COG5: variants seen among roughly 807,000 people sequenced by gnomAD.
COG5 encodes the protein conserved oligomeric Golgi complex subunit 5.
COG5 carries 86 observed loss-of-function variants against 110.4 expected under a neutral mutation model. The ratio of observed to expected loss-of-function variants is 0.78; its 90% CI spans 0.65 to 0.93. COG5 has a LOEUF of 0.93. COG5 is among the 40% of genes least tolerant of loss of function. COG5 has a pLI of 0.00. For synonymous variants in COG5, 360 were observed against 334.6 expected (o/e 1.08, Z -0.83); for missense variants, 1,077 against 987.0 (o/e 1.09, Z -1.22).
intron 19 of COG5, among the ~76,000 whole-genome samples, chr7:107,218,123 A>C (rs191727286): frequency 6.6e-6 from 1 of 152,244 alleles, no homozygotes; most frequent in African/African-American, 2.4e-5. Flanking sequence ...TTAGGAATAA[A>C]TGTACTTAGG....
rs1803047098 is a variant in COG5, at chr7:107,258,383, G to C, written c.1576C>G (p.Leu526Val). The change falls in exon 15 of 22, where the codon CTC becomes GTC. Residue 526 changes from leucine (L) to valine (V), a missense_variant and splice_region_variant. By Grantham distance (32) the Leu-to-Val change is conservative. Transcript: ENST00000297135. ...QLYSVKSEQL[L>V]STQGDASQVI... ...TGACTTGCATCTCCTTGTGTGGAGA[G>C]CTGTAAGAATTCAATTTCAAAAGAA... The C allele has an allele frequency of 6.4e-7, 1 of 1,567,546 alleles. No homozygotes were observed. Among genetic ancestry groups the C allele is most frequent in the Non-Finnish European group, 8.8e-7 (1 of 1,137,938 alleles).
At chr7:107,408,183 A>C (rs574271059) in intron 7 of COG5, among the ~76,000 whole-genome samples, 1 of 152,370 alleles carries the variant, frequency 6.6e-6, no homozygotes, top group Non-Finnish European at 1.5e-5. Context: ...TTAATGGAAC[A>C]CAACCACATT....
At chr7:107,284,532 G>T (rs1474526849) in intron 12 of COG5, among the ~76,000 whole-genome samples, 4 of 152,058 alleles carry the variant, frequency 2.6e-5, no homozygotes, top group Admixed American at 2.6e-4. Flanking sequence ...CCATTTTTGT[G>T]TTACTAACAA....
intron 10 of COG5, among the ~76,000 whole-genome samples, chr7:107,351,888 TG>T (rs1047696965): frequency 6.7e-6 from 1 of 149,594 alleles, no homozygotes; most frequent in African/African-American, 2.4e-5. Flanking sequence ...TCAACCATTG[TG>T]GAAGTCAGTG....
chr7:107,215,611 C>T (rs557383207), intron 19 of COG5, among the ~76,000 whole-genome samples: 1 of 151,824 alleles, frequency 6.6e-6, no homozygotes, highest in Admixed American at 6.6e-5. Context: ...TTGCAGTGAG[C>T]CAAGATTGTA....
intron 16 of COG5, among the ~76,000 whole-genome samples, chr7:107,251,248 GA>G (rs1802481203): frequency 4.0e-5 from 6 of 151,650 alleles, no homozygotes. Flanking sequence ...AGTGCTAAGA[GA>G]AAAACATCTT....
At chr7:107,389,555 A>G (rs1335679450) in intron 7 of COG5, among the ~76,000 whole-genome samples, 1 of 152,216 alleles carries the variant, frequency 6.6e-6, no homozygotes, top group Non-Finnish European at 1.5e-5. Flanking sequence ...GCTAAAGGAC[A>G]AAGCTGGGAA....
chr7:107,210,588 G>A lies in COG5; in HGVS notation c.2313C>T (p.His771=). ...KSPFQRAEWS[H]TRFSQWLDDH... ...CATCCAGCCACTGAGAGAAGCGTGT[G>A]TGGGACCACTCTGCCCTCTGCAGGG... is the stretch of plus-strand genomic sequence containing the variant. Residue 771 remains histidine, a synonymous_variant, in exon 21 of 22, where the codon CAC becomes CAT. Coordinates refer to ENST00000297135, the MANE Select transcript of COG5 (RefSeq NM_006348.5). 1.2e-6 allele frequency: 2 copies of A among 1,603,694 alleles called. No homozygotes were observed. The highest frequency in any genetic ancestry group is 1.7e-6 in the Non-Finnish European group (2 of 1,175,036).
chr7:107,422,690 TAAAAAAA>T (rs972014653), intron 6 of COG5, among the ~76,000 whole-genome samples: 2 of 142,232 alleles, frequency 1.4e-5, no homozygotes, highest in Non-Finnish European at 3.1e-5. Flanking sequence ...TAATGAAACT[TAAAAAAA>T]AAAAAAAGCA....
intron 6 of COG5, among the ~76,000 whole-genome samples, chr7:107,483,573 G>A (rs951040476): frequency 6.6e-6 from 1 of 151,990 alleles, no homozygotes; most frequent in East Asian, 1.9e-4. Context: ...GTGTGGTGGT[G>A]CATGCCTGTA....
chr7:107,417,735 C>G (rs1368622970), intron 6 of COG5, among the ~76,000 whole-genome samples: 1 of 152,088 alleles, frequency 6.6e-6, no homozygotes, highest in Non-Finnish European at 1.5e-5. Flanking sequence ...ATTATATATG[C>G]TTCTATAAGA....
chr7:107,509,761 A>G (rs1230629987), intron 6 of COG5, among the ~76,000 whole-genome samples: 4 of 152,230 alleles, frequency 2.6e-5, no homozygotes, highest in Non-Finnish European at 4.4e-5. Context: ...CTTAAAGAAA[A>G]GAATTTTCAA....
intron 6 of COG5, among the ~76,000 whole-genome samples, chr7:107,500,542 T>A (rs2250414): frequency 2.6e-5 from 4 of 151,918 alleles, no homozygotes; most frequent in African/African-American, 7.3e-5. Context: ...TAGTATAAAC[T>A]GATTGGATTT....
At chr7:107,521,502 A>T (rs1457241283) in intron 6 of COG5, among the ~76,000 whole-genome samples, 5 of 152,256 alleles carry the variant, frequency 3.3e-5, no homozygotes, top group African/African-American at 9.6e-5. Context: ...ACTCTTCTCA[A>T]AAGACGACAT....
intron 14 of COG5, among the ~76,000 whole-genome samples, chr7:107,275,596 C>T (rs568968336): frequency 1.3e-5 from 2 of 152,008 alleles, no homozygotes; most frequent in East Asian, 1.9e-4. Flanking sequence ...TGGTCTGTCG[C>T]CCAGGCTTGA....
At chr7:107,527,108 T>C (rs531959322) in intron 6 of COG5, 129 bp downstream of exon 6, 68 of 728,228 alleles carry the variant, frequency 9.3e-5, no homozygotes, top group African/African-American at 8.6e-4. Flanking sequence ...CAATATTGTA[T>C]ACAGCCAATT....
chr7:107,222,229 T>C (rs1207068258), intron 19 of COG5, among the ~76,000 whole-genome samples: 1 of 151,664 alleles, frequency 6.6e-6, no homozygotes, highest in African/African-American at 2.4e-5. Flanking sequence ...AGATGGAGTC[T>C]CGCTCTGTCG....
intron 6 of COG5, among the ~76,000 whole-genome samples, chr7:107,485,010 A>AC (rs937224226): frequency 2.0e-5 from 3 of 152,110 alleles, no homozygotes; most frequent in Non-Finnish European, 4.4e-5. Context: ...TCCTTCCCTT[A>AC]CCCCACGACC....
At chr7:107,333,966 T>C (rs1036151125) in intron 10 of COG5, among the ~76,000 whole-genome samples, 1 of 152,084 alleles carries the variant, frequency 6.6e-6, no homozygotes, top group African/African-American at 2.4e-5. Context: ...GAAAGAAAAA[T>C]GAGAACTATT....
Sources: gnomAD v4.1 joint callset for allele counts (sites outside exome capture counted in the v4.1 genomes callset) on GRCh38, gnomAD v4.1.1 for gene constraint, MANE v1.5 for transcripts, NCBI Gene and HGNC (gene_info 2026-07-23, HGNC 2026-07-21) for gene names.